The following EYS variants were observed in gnomAD, a reference collection of about 807,000 sequenced individuals.
EYS encodes protein eyes shut homolog.
EYS carries 250 observed loss-of-function variants against 282.1 expected under a neutral mutation model. The ratio of observed to expected loss-of-function variants is 0.89; its 90% CI spans 0.80 to 0.98. The LOEUF (loss-of-function observed/expected upper bound fraction) is 0.98. EYS is among the 50% of genes least tolerant of loss of function. The pLI, the probability that EYS is intolerant of heterozygous loss-of-function variation, is 0.00. For synonymous variants in EYS, 1,355 were observed against 1,282.9 expected (o/e 1.06, Z -1.20); for missense variants, 4,016 against 3,709.0 (o/e 1.08, Z -2.15).
intron 2 of EYS, among the ~76,000 whole-genome samples, chr6:65,605,322 T>C (rs1765748770): frequency 9.3e-6 from 1 of 107,028 alleles, no homozygotes; most frequent in Admixed American, 9.8e-5. Flanking sequence ...CATAACTTCA[T>C]TGTCGATCAC....
intron 31 of EYS, among the ~76,000 whole-genome samples, chr6:64,207,474 A>G (rs1765644703): frequency 6.6e-6 from 1 of 152,088 alleles, no homozygotes. Flanking sequence ...AAAGAACTTC[A>G]CTGATGATAG....
rs117410463 is a variant in EYS, at chr6:63,805,810, G to T, written c.7411+380C>A. Among the ~76,000 whole-genome samples the T allele has an allele frequency of 1.1e-3, 160 of 152,312 alleles. 3 individuals are homozygous for T. In the East Asian group the frequency reaches 0.025, roughly 24 times the overall value. ...TCCCCTTTACTAGGCACGTCTTCCT[G>T]CTGCCTTGTGAAGAAAGTACTCTGC... On this transcript the variant is annotated intron_variant, in intron 37 of 42. Coordinates refer to ENST00000503581, the MANE Select transcript of EYS (RefSeq NM_001142800.2).
chr6:64,095,790 T>A (rs1444594931), intron 31 of EYS, among the ~76,000 whole-genome samples: 2 of 152,338 alleles, frequency 1.3e-5, no homozygotes, highest in Non-Finnish European at 2.9e-5. Flanking sequence ...AATTTGATCC[T>A]GTCATTATGA....
intron 26 of EYS, among the ~76,000 whole-genome samples, chr6:64,548,193 G>C (rs1436240918): frequency 6.6e-6 from 1 of 152,198 alleles, no homozygotes; most frequent in African/African-American, 2.4e-5. Flanking sequence ...GCAAGCGAGG[G>C]CTGCGAGGGC....
At chr6:65,254,171 T>G (rs574946663) in intron 12 of EYS, among the ~76,000 whole-genome samples, 2 of 151,876 alleles carry the variant, frequency 1.3e-5, no homozygotes, top group Non-Finnish European at 2.9e-5. Context: ...CCTGAGCAGT[T>G]GAGTATTGCT....
intron 32 of EYS, among the ~76,000 whole-genome samples, chr6:64,078,193 A>G (rs994404351): frequency 6.6e-6 from 1 of 152,048 alleles, no homozygotes; most frequent in Admixed American, 6.6e-5. Flanking sequence ...TGTTCAAAAA[A>G]TGTTTGTGAA....
rs1407815727 is a variant in EYS, at chr6:63,721,243, C to T, written c.8788G>A (p.Asp2930Asn). Residue 2930 changes from aspartate to asparagine, a missense_variant, in exon 43 of 43, where the codon GAC becomes AAC. Transcript: ENST00000503581. ...LCLHQSLCIP[D>N]QSFSYSCLCT... is the part of the protein sequence containing the mutation. ...AGGCAACTGTAAGAAAATGATTGGT[C>T]AGGTATACATAAAGATTGGTGGAGG... is the stretch of plus-strand genomic sequence containing the variant. 9 of 1,551,752 alleles carry T rather than the reference C, an allele frequency of 5.8e-6. No homozygotes were observed. The highest frequency in any genetic ancestry group is 7.8e-6 in the Non-Finnish European group (9 of 1,146,938).
At chr6:63,989,331 G>A (rs1767506683) in intron 34 of EYS, among the ~76,000 whole-genome samples, 1 of 151,610 alleles carries the variant, frequency 6.6e-6, no homozygotes, top group East Asian at 1.9e-4. Context: ...TGGATAAAGT[G>A]TTTCAGAAGG....
intron 26 of EYS, among the ~76,000 whole-genome samples, chr6:64,535,828 G>T (rs958828407): frequency 1.3e-5 from 2 of 151,994 alleles, no homozygotes; most frequent in African/African-American, 4.8e-5. Context: ...AAGGGAGTAT[G>T]CTATCTTAAG....
At chr6:65,288,537 T>G (rs1768434518) in intron 12 of EYS, among the ~76,000 whole-genome samples, 1 of 150,974 alleles carries the variant, frequency 6.6e-6, no homozygotes, top group African/African-American at 2.4e-5. Context: ...ATTGACCTCC[T>G]ACCATCAAAC....
intron 12 of EYS, among the ~76,000 whole-genome samples, chr6:65,177,826 T>C (rs2150231137): frequency 6.6e-6 from 1 of 152,004 alleles, no homozygotes; most frequent in Non-Finnish European, 1.5e-5. Flanking sequence ...AACATGTACC[T>C]ATGTTACTTG....
At chr6:64,490,067 A>C (rs1340959308) in intron 26 of EYS, among the ~76,000 whole-genome samples, 3 of 150,922 alleles carry the variant, frequency 2.0e-5, no homozygotes, top group African/African-American at 4.8e-5. Context: ...TATTCATTTA[A>C]AAAACTCTGT....
intron 35 of EYS, among the ~76,000 whole-genome samples, chr6:63,930,932 A>T (rs527283652): frequency 1.3e-5 from 2 of 152,214 alleles, no homozygotes; most frequent in Admixed American, 6.5e-5. Flanking sequence ...GAGTCTTTCT[A>T]TAATTTCTTC....
intron 22 of EYS, among the ~76,000 whole-genome samples, chr6:64,767,099 T>C (rs1773375730): frequency 6.6e-6 from 1 of 151,958 alleles, no homozygotes; most frequent in Admixed American, 6.6e-5. Flanking sequence ...AAAGGTAAAA[T>C]TGTATTTTTT....
intron 13 of EYS, among the ~76,000 whole-genome samples, chr6:65,024,981 G>T (rs1381080849): frequency 1.3e-5 from 2 of 152,106 alleles, no homozygotes; most frequent in East Asian, 3.9e-4. Context: ...AATAGAAGCA[G>T]ATAAATACCT....
Position 65,519,708 on chromosome 6 carries a change from ATTTTTTTTT to A in EYS, c.-332-23724_-332-23716del, listed in dbSNP as rs59743261. Among the ~76,000 whole-genome samples the A allele has an allele frequency of 8.5e-4, 36 of 42,554 alleles. No individual in the cohort carries two copies. The East Asian group carries it at 0.024, about 28-fold the overall frequency. The allele number at this position is 42,554 out of a possible 152,430, so 27.9% of individuals were successfully genotyped here. ...TAACTATATATATATATATATATAT[ATTTTTTTTT>A]TTTTTTTTTTTTTTTTGAGATAAGA... On this transcript the variant is annotated intron_variant, in intron 2 of 42. Transcript: ENST00000503581.
chr6:65,622,955 T>C (rs1766573862), intron 2 of EYS, among the ~76,000 whole-genome samples: 1 of 152,060 alleles, frequency 6.6e-6, no homozygotes, highest in Admixed American at 6.5e-5. Context: ...CTGAGATCTG[T>C]CTATGTTGCC....
Position 64,047,297 on chromosome 6 carries a change from T to C in EYS, c.6725+19041A>G, listed in dbSNP as rs538548224. Among the ~76,000 whole-genome samples, 14 of 152,124 alleles carry C rather than the reference T, an allele frequency of 9.2e-5. No homozygotes were observed. The East Asian group carries it at 2.1e-3, about 23-fold the overall frequency. ...AGAGGTTGTTATTAAAAATGATCTGTAGGCAAAGAGAGAGAAACAAATGGG... is the reference window on the plus strand; with the variant it reads ...AGAGGTTGTTATTAAAAATGATCTGCAGGCAAAGAGAGAGAAACAAATGGG... On this transcript the variant is annotated intron_variant, in intron 33 of 42. Transcript: ENST00000503581.
At position 64,930,461 on chromosome 6, in the gene EYS, T is replaced by TAAAAAAAAAAAAAA. The variant is rs55650031; in HGVS notation, c.2381+15318_2381+15331dup. On this transcript the variant is annotated intron_variant, in intron 15 of 42. Transcript: ENST00000503581. ...TTAGGACTTCTATGCATAAATAAGG[T>TAAAAAAAAAAAAAA]AAAAAAAAAAAAAAAAAAAAAGCAA... 4.1e-5 allele frequency among the ~76,000 whole-genome samples: 5 copies of TAAAAAAAAAAAAAA among 123,030 alleles called. 1 individual carries two copies. The highest frequency in any genetic ancestry group is 6.0e-5 in the African/African-American group (2 of 33,490). 80.7% of individuals were successfully genotyped at this position (123,030 alleles called of 152,430 possible). A position where few individuals can be genotyped will look rare whatever the true frequency, so the allele number is the denominator to read the frequency against.
Sources: gnomAD v4.1 joint callset for allele counts (sites outside exome capture counted in the v4.1 genomes callset) on GRCh38, gnomAD v4.1.1 for gene constraint, MANE v1.5 for transcripts, NCBI Gene and HGNC (gene_info 2026-07-23, HGNC 2026-07-21) for gene names.